SORCS2: variants seen among roughly 807,000 people sequenced by gnomAD.
The protein encoded by SORCS2 is VPS10 domain-containing receptor SorCS2.
Under a neutral mutation model 141.6 loss-of-function variants are expected in SORCS2, and 100 were observed. The ratio of observed to expected loss-of-function variants is 0.71; its 90% CI spans 0.60 to 0.83. The LOEUF (loss-of-function observed/expected upper bound fraction) is 0.83, where lower values mean the gene tolerates loss of function less well. SORCS2 is among the 40% of genes least tolerant of loss of function. SORCS2 has a pLI of 0.00. For synonymous variants in SORCS2, 789 were observed against 676.9 expected (o/e 1.17, Z -2.57); for missense variants, 1,646 against 1,560.2 (o/e 1.05, Z -0.93).
At chr4:7,574,146 C>T (rs1243923856) in intron 3 of SORCS2, among the ~76,000 whole-genome samples, 1 of 152,272 alleles carries the variant, frequency 6.6e-6, no homozygotes, top group Non-Finnish European at 1.5e-5. Context: ...AGTCAGTTCC[C>T]CCCAGAAGCT....
intron 2 of SORCS2, among the ~76,000 whole-genome samples, chr4:7,497,300 C>A (rs887358940): frequency 1.3e-5 from 2 of 152,240 alleles, no homozygotes; most frequent in African/African-American, 4.8e-5. Flanking sequence ...ATTCAGCCTT[C>A]CCCGCAGCAC....
chr4:7,399,422 T>C (rs1412509991), intron 2 of SORCS2, among the ~76,000 whole-genome samples: 3 of 152,248 alleles, frequency 2.0e-5, no homozygotes, highest in Non-Finnish European at 4.4e-5. Flanking sequence ...AGTATGGTCT[T>C]TTCATTCTGA....
intron 1 of SORCS2, among the ~76,000 whole-genome samples, chr4:7,222,787 G>A (rs980993874): frequency 2.6e-5 from 4 of 152,090 alleles, no homozygotes; most frequent in Non-Finnish European, 5.9e-5. Flanking sequence ...TGTGTGGGGT[G>A]TGGGTGCTGG....
At chr4:7,416,913 C>T (rs1435660843) in intron 2 of SORCS2, among the ~76,000 whole-genome samples, 1 of 152,114 alleles carries the variant, frequency 6.6e-6, no homozygotes, top group Admixed American at 6.5e-5. Context: ...TGTGCAGACA[C>T]ACTGACACAT....
At position 7,725,271 on chromosome 4, in the gene SORCS2, T is replaced by TCGGC. The variant is rs1483689081; in HGVS notation, c.2731_2734dup (p.His912ArgfsTer12). On this transcript the variant is annotated frameshift_variant, in exon 20 of 27. Transcript: ENST00000507866. LOFTEE classifies it high-confidence loss of function. ...AACCTCACCGTCTTCTACTGGTGGA[T>TCGGC]CGGCCACAGCCTGCAGGTGCGCTGG... 6.2e-7 allele frequency: 1 copy of TCGGC among 1,613,322 alleles called. No individual in the cohort carries two copies. Among genetic ancestry groups the TCGGC allele is most frequent in the Non-Finnish European group, 8.5e-7 (1 of 1,179,578 alleles).
At chr4:7,223,999 A>G (rs1319439889) in intron 1 of SORCS2, among the ~76,000 whole-genome samples, 1 of 152,348 alleles carries the variant, frequency 6.6e-6, no homozygotes, top group East Asian at 1.9e-4. Flanking sequence ...TATTAATTGT[A>G]TTAGCAAATT....
chr4:7,654,888 G>T (rs1721661013), intron 5 of SORCS2, among the ~76,000 whole-genome samples: 1 of 152,178 alleles, frequency 6.6e-6, no homozygotes. Flanking sequence ...TCCGATGGTG[G>T]GTACCAGCCA....
rs770969151 is a variant in SORCS2 at position 7,589,546 on chromosome 4, GCGCCTGCC to G, written c.649-48781_649-48774del. On this transcript the variant is annotated intron_variant, in intron 3 of 26. Coordinates refer to ENST00000507866, the MANE Select transcript of SORCS2 (RefSeq NM_020777.3). ...GCCTCCCAAGTAGCTGGGACTATAG[GCGCCTGCC>G]ACCATGCCCGGCTAACTTTTGTATT... Among the ~76,000 whole-genome samples, 18 of 152,276 alleles carry G rather than the reference GCGCCTGCC, an allele frequency of 1.2e-4. No individual in the cohort carries two copies. In the South Asian group the frequency reaches 3.7e-3, roughly 32 times the overall value.
chr4:7,305,522 A>G (rs1310523344), intron 1 of SORCS2, among the ~76,000 whole-genome samples: 2 of 152,204 alleles, frequency 1.3e-5, no homozygotes, highest in Admixed American at 1.3e-4. Context: ...TTGCAGTGGC[A>G]TAGCAGGTGG....
intron 3 of SORCS2, among the ~76,000 whole-genome samples, chr4:7,580,666 G>A (rs1223078003): frequency 6.6e-6 from 1 of 152,170 alleles, no homozygotes; most frequent in Non-Finnish European, 1.5e-5. Context: ...GAGCTACTAT[G>A]GGCAGCAGCA....
intron 1 of SORCS2, among the ~76,000 whole-genome samples, chr4:7,221,308 T>C (rs1728690910): frequency 6.6e-6 from 1 of 152,198 alleles, no homozygotes; most frequent in Non-Finnish European, 1.5e-5. Context: ...AACATCCCGG[T>C]CCCACCAGAC....
At chr4:7,454,484 GT>G (rs1310405752) in intron 2 of SORCS2, among the ~76,000 whole-genome samples, 3 of 126,980 alleles carry the variant, frequency 2.4e-5, no homozygotes, top group African/African-American at 8.6e-5. Flanking sequence ...CAGGCAGTGT[GT>G]TGGGGTCAGG....
At chr4:7,327,773 T>G (rs1271081038) in intron 1 of SORCS2, among the ~76,000 whole-genome samples, 3 of 152,166 alleles carry the variant, frequency 2.0e-5, no homozygotes, top group Non-Finnish European at 2.9e-5. Context: ...TTTCCCTTCC[T>G]GAGTGCATGA....
intron 3 of SORCS2, among the ~76,000 whole-genome samples, chr4:7,537,371 G>A (rs1028973602): frequency 1.3e-4 from 20 of 152,194 alleles, no homozygotes; most frequent in African/African-American, 4.8e-4. Flanking sequence ...TCCTGACTTG[G>A]CTCCATCTAC....
chr4:7,372,328 C>T (rs1441495569), intron 1 of SORCS2, among the ~76,000 whole-genome samples: 1 of 152,162 alleles, frequency 6.6e-6, no homozygotes, highest in African/African-American at 2.4e-5. Context: ...TTGTTTGAGA[C>T]AGAGTTTCAC....
chr4:7,415,635 G>T (rs1725616804), intron 2 of SORCS2, among the ~76,000 whole-genome samples: 1 of 152,234 alleles, frequency 6.6e-6, no homozygotes, highest in Non-Finnish European at 1.5e-5. Context: ...ATGTGGACCT[G>T]TTTTGGGGAC....
At chr4:7,373,478 A>AATTTTTTTTTTTTTTTT (rs1722401599) in intron 1 of SORCS2, among the ~76,000 whole-genome samples, 1 of 36,824 alleles carries the variant, frequency 2.7e-5, no homozygotes, top group Non-Finnish European at 4.1e-5. Flanking sequence ...ATATATATAT[A>AATTTTTTTTTTTTTTTT]TTTTTTTTTT....
intron 1 of SORCS2, among the ~76,000 whole-genome samples, chr4:7,301,832 C>T (rs1205758354): frequency 6.6e-6 from 1 of 152,224 alleles, no homozygotes; most frequent in Non-Finnish European, 1.5e-5. Context: ...GCTGGAAGGA[C>T]GGGGTTAACA....
chr4:7,706,072 C>CTGGGCTCTGCCTGGGCAGGGATGAGGT (rs1725422163), intron 14 of SORCS2, among the ~76,000 whole-genome samples: 2 of 133,974 alleles, frequency 1.5e-5, no homozygotes, highest in East Asian at 2.8e-4. Context: ...AGGGATGAGG[C>CTGGGCTCTGCCTGGGCAGGGATGAGGT]TGGGCTCTGC....
Sources: gnomAD v4.1 joint callset for allele counts (sites outside exome capture counted in the v4.1 genomes callset) on GRCh38, gnomAD v4.1.1 for gene constraint, MANE v1.5 for transcripts, NCBI Gene and HGNC (gene_info 2026-07-23, HGNC 2026-07-21) for gene names.